Variants in CELF2 observed in about 807,000 individuals in gnomAD.
The protein encoded by CELF2 is CUG triplet repeat RNA-binding protein 2.
CELF2 carries 8 observed loss-of-function variants against 62.6 expected under a neutral mutation model. That is an observed-to-expected ratio of 0.13 (90% CI 0.07 to 0.23). The LOEUF (loss-of-function observed/expected upper bound fraction) is 0.23. CELF2 is among the 10% of genes least tolerant of loss of function. The probability of loss-of-function intolerance (pLI) is 1.00; values close to 1 mark genes in which losing one functional copy is unlikely to be tolerated. For missense variants in CELF2, 333 were observed against 671.0 expected (o/e 0.50, Z 5.56); for synonymous variants, 258 against 250.0 (o/e 1.03, Z -0.30).
the CELF2 span, among the ~76,000 whole-genome samples, chr10:10,774,763 T>C: frequency 2.1e-3 from 313 of 152,268 alleles, 2 homozygotes; most frequent in South Asian, 0.013. Context: ...ACAAATAGGA[T>C]GGTGTGGTGA....
chr10:10,595,903 A>C, the CELF2 span, among the ~76,000 whole-genome samples: 2 of 152,262 alleles, frequency 1.3e-5, no homozygotes, highest in African/African-American at 4.8e-5. Flanking sequence ...CTTTAAAAAA[A>C]GAAAAGATGG....
chr10:11,211,809 AGAGAGTGTGTGTGTGTGTGT>A lies in CELF2; in HGVS notation c.272-5614_272-5595del, dbSNP rs1356503932. 5.5e-4 allele frequency among the ~76,000 whole-genome samples: 71 copies of A among 129,958 alleles called. No individual in the cohort carries two copies. The highest frequency in any genetic ancestry group is 1.9e-3 in the African/African-American group (62 of 31,916). 85.3% of individuals were successfully genotyped at this position (129,958 alleles called of 152,430 possible). A position where few individuals can be genotyped will look rare whatever the true frequency, so the allele number is the denominator to read the frequency against. On this transcript the variant is annotated intron_variant, in intron 2 of 12. Transcript: ENST00000633077. This position sits in a 1 kb window ranked among gnomAD's most constrained non-coding sequence, Gnocchi z 4.8. ...ATGTGTGTGAGAGAGAGAGAGAGAG[AGAGAGTGTGTGTGTGTGTGT>A]GTGTGTGTGTGTGTGTGTGTGTGTG...
chr10:11,299,815 A>ATTTTTTTTTTTT (rs56084272), intron 9 of CELF2, among the ~76,000 whole-genome samples: 1 of 150,612 alleles, frequency 6.6e-6, no homozygotes, highest in Non-Finnish European at 1.5e-5. Context: ...GATCATCAAC[A>ATTTTTTTTTTTT]TTTTTTTTTT....
chr10:10,827,297 T>C (rs147806893), intron 1 of CELF2, among the ~76,000 whole-genome samples: 31 of 152,306 alleles, frequency 2.0e-4, no homozygotes, highest in African/African-American at 7.5e-4. Flanking sequence ...CTCAGGGATT[T>C]TTGTCCGTCC....
the CELF2 span, among the ~76,000 whole-genome samples, chr10:10,480,696 T>A: frequency 6.6e-6 from 1 of 152,204 alleles, no homozygotes; most frequent in Non-Finnish European, 1.5e-5. Context: ...TGAAGATGGG[T>A]ATGTAACAAC....
At chr10:11,167,079 G>C (rs986509877) in intron 2 of CELF2, among the ~76,000 whole-genome samples, 7 of 152,242 alleles carry the variant, frequency 4.6e-5, no homozygotes, top group Non-Finnish European at 7.3e-5. Context: ...CTCATTATTT[G>C]AGACGTAGAA....
chr10:10,629,523 T>G, the CELF2 span, among the ~76,000 whole-genome samples: 1 of 152,218 alleles, frequency 6.6e-6, no homozygotes, highest in Non-Finnish European at 1.5e-5. Flanking sequence ...GCTTAAATTT[T>G]TTTAAGCCTC....
intron 2 of CELF2, among the ~76,000 whole-genome samples, chr10:11,198,155 A>G (rs967302717): frequency 6.6e-6 from 1 of 152,236 alleles, no homozygotes; most frequent in Non-Finnish European, 1.5e-5. Flanking sequence ...TCTAAGACTG[A>G]TGAAATGTTT....
the CELF2 span, among the ~76,000 whole-genome samples, chr10:10,530,379 G>A: frequency 6.6e-6 from 1 of 152,168 alleles, no homozygotes; most frequent in Non-Finnish European, 1.5e-5. Context: ...AGCAAAATTA[G>A]GAATGTTTTT....
In CELF2 at chr10:10,949,326, G is replaced by T. The variant is rs149069907; in HGVS notation, c.89+29327G>T. On this transcript the variant is annotated intron_variant, in intron 2 of 13. Transcript: ENST00000636488. ...AAACCCCACTCATGTCATGTGGATG[G>T]CACAGCTTCCAGTGGGGCTGTGCCT... Among the ~76,000 whole-genome samples, 568 of 152,140 alleles carry T rather than the reference G, an allele frequency of 3.7e-3. 6 individuals carry two copies. Among genetic ancestry groups the T allele is most frequent in the African/African-American group, 0.013 (550 of 41,492 alleles).
chr10:11,093,019 G>T (rs1259052973), intron 1 of CELF2, among the ~76,000 whole-genome samples: 4 of 152,198 alleles, frequency 2.6e-5, no homozygotes, highest in African/African-American at 9.7e-5. Flanking sequence ...CCATTCCACT[G>T]TGTAATAATA....
At chr10:10,890,831 A>G (rs142502726) in intron 1 of CELF2, among the ~76,000 whole-genome samples, 2,334 of 152,328 alleles carry the variant, frequency 0.015, 56 homozygotes, top group African/African-American at 0.05. Context: ...CCTGACCAAC[A>G]TGGTAAAACC....
At chr10:10,984,486 T>C (rs2052515202) in intron 2 of CELF2, among the ~76,000 whole-genome samples, 6 of 152,340 alleles carry the variant, frequency 3.9e-5, no homozygotes, top group Middle Eastern at 3.4e-3. Flanking sequence ...CGTTTGATTC[T>C]GACTCTAATG....
chr10:10,860,639 T>C (rs2059995959), intron 1 of CELF2, among the ~76,000 whole-genome samples: 3 of 152,212 alleles, frequency 2.0e-5, no homozygotes, highest in African/African-American at 7.2e-5. Context: ...CAGAGTTTGT[T>C]TGAGCAAAGA....
At chr10:10,608,838 A>T in the CELF2 span, among the ~76,000 whole-genome samples, 1 of 152,196 alleles carries the variant, frequency 6.6e-6, no homozygotes, top group Non-Finnish European at 1.5e-5. Context: ...TTAGAACCAC[A>T]TATCTTAACT....
At chr10:10,708,500 A>G in the CELF2 span, among the ~76,000 whole-genome samples, 7 of 152,208 alleles carry the variant, frequency 4.6e-5, no homozygotes, top group Non-Finnish European at 8.8e-5. Context: ...AATACCTCCA[A>G]ATTAAAACTT....
chr10:11,250,331 A>T (rs1266868135), intron 4 of CELF2, among the ~76,000 whole-genome samples: 1 of 152,370 alleles, frequency 6.6e-6, no homozygotes, highest in South Asian at 2.1e-4. Context: ...CAACATAGAT[A>T]TATAAATAAA....
chr10:11,272,124 G>C (rs972571173), intron 7 of CELF2, among the ~76,000 whole-genome samples: 1 of 152,166 alleles, frequency 6.6e-6, no homozygotes, highest in Non-Finnish European at 1.5e-5. Flanking sequence ...GTACATATTT[G>C]ATGAATGAAT....
chr10:11,184,399 G>A (rs1200942674), intron 2 of CELF2, among the ~76,000 whole-genome samples: 6 of 152,038 alleles, frequency 3.9e-5, no homozygotes, highest in East Asian at 1.9e-4. Context: ...GTATCTCCTC[G>A]TAAATTTTAG....
Sources: gnomAD v4.1 joint callset for allele counts (sites outside exome capture counted in the v4.1 genomes callset) on GRCh38, gnomAD v4.1.1 for gene constraint, Gnocchi (gnomAD v3.1) non-coding constraint, MANE v1.5 for transcripts, NCBI Gene and HGNC (gene_info 2026-07-23, HGNC 2026-07-21) for gene names.